LRP1B: variants seen among roughly 807,000 people sequenced by gnomAD.
The protein encoded by LRP1B is low-density lipoprotein receptor-related protein 1B.
In LRP1B, 217 loss-of-function variants were observed where a neutral mutation model predicts 556.6. The observed-to-expected ratio is 0.39, with a 90% CI of 0.35 to 0.44. The LOEUF (loss-of-function observed/expected upper bound fraction) is 0.44. Ranked by LOEUF, LRP1B falls within the 20% of genes least tolerant of loss-of-function variation. The probability of loss-of-function intolerance (pLI) is 1.00; values close to 1 mark genes in which losing one functional copy is unlikely to be tolerated. For missense variants in LRP1B, 5,053 were observed against 5,620.8 expected, an observed-to-expected ratio of 0.90 and a Z score of 3.23; for synonymous variants, 2,047 against 1,865.8, an observed-to-expected ratio of 1.10 and a Z score of -2.50.
intron 2 of LRP1B, among the ~76,000 whole-genome samples, chr2:141,700,175 A>C (rs906138254): frequency 1.3e-5 from 2 of 151,680 alleles, no homozygotes; most frequent in Admixed American, 6.6e-5. Context: ...GTGGTTATTA[A>C]ATTTCTATTG....
intron 2 of LRP1B, among the ~76,000 whole-genome samples, chr2:141,606,982 T>A (rs773682184): frequency 6.6e-6 from 1 of 152,020 alleles, no homozygotes; most frequent in Non-Finnish European, 1.5e-5. Flanking sequence ...ATCCCTTTCC[T>A]CCCTCCCTCC....
At chr2:141,199,289 C>A (rs1298496401) in intron 6 of LRP1B, among the ~76,000 whole-genome samples, 1 of 152,130 alleles carries the variant, frequency 6.6e-6, no homozygotes, top group Non-Finnish European at 1.5e-5. Context: ...TAGAGTATTT[C>A]TCTTATAACA....
chr2:141,113,787 G>A (rs1382711579), intron 7 of LRP1B, among the ~76,000 whole-genome samples: 6 of 152,032 alleles, frequency 3.9e-5, no homozygotes, highest in Non-Finnish European at 1.5e-5. Flanking sequence ...CTTGAAAGAA[G>A]TCATGATAAT....
chr2:142,113,912 A>G (rs1445631647), intron 1 of LRP1B, among the ~76,000 whole-genome samples: 1 of 152,138 alleles, frequency 6.6e-6, no homozygotes, highest in Non-Finnish European at 1.5e-5. Flanking sequence ...CACTGGAAAC[A>G]TCACTAACTG....
chr2:141,212,183 T>C, intron 6 of LRP1B, among the ~76,000 whole-genome samples: 1 of 148,098 alleles, frequency 6.8e-6, no homozygotes, highest in Admixed American at 6.8e-5. Context: ...TAAAATCAGT[T>C]ACTGCAGCAA....
chr2:141,416,049 C>T (rs1691088832), intron 3 of LRP1B, among the ~76,000 whole-genome samples: 2 of 152,152 alleles, frequency 1.3e-5, no homozygotes, highest in Admixed American at 6.5e-5. Flanking sequence ...AATGACCTAA[C>T]ATTAGACAAA....
intron 16 of LRP1B, among the ~76,000 whole-genome samples, chr2:140,993,462 G>A (rs1697149303): frequency 6.6e-6 from 1 of 151,930 alleles, no homozygotes; most frequent in African/African-American, 2.4e-5. Flanking sequence ...AGCCAAAGAG[G>A]GGAAAGTCAA....
rs549563314 is a variant in LRP1B, at chr2:142,016,539, G to A, written c.82+114109C>T. Among the ~76,000 whole-genome samples the A allele has an allele frequency of 7.2e-5, 11 of 152,234 alleles. No individual in the cohort carries two copies. The East Asian group carries it at 1.9e-3, about 27-fold the overall frequency. On this transcript the variant is annotated intron_variant, in intron 1 of 90. Coordinates refer to ENST00000389484, the MANE Select transcript of LRP1B (RefSeq NM_018557.3). ...TCATGACCTTTGCAGGGACATGGATGAAGCTGGAAACCATCATTCTCAATA... is the reference window on the plus strand; with the variant it reads ...TCATGACCTTTGCAGGGACATGGATAAAGCTGGAAACCATCATTCTCAATA...
chr2:140,282,105 C>T (rs149485439), intron 84 of LRP1B, among the ~76,000 whole-genome samples: 1 of 151,784 alleles, frequency 6.6e-6, no homozygotes, highest in Non-Finnish European at 1.5e-5. Context: ...TCCAAGATAT[C>T]CTTTGGCCAT....
intron 15 of LRP1B, among the ~76,000 whole-genome samples, chr2:140,995,056 T>C (rs1455976172): frequency 6.6e-6 from 1 of 152,008 alleles, no homozygotes; most frequent in African/African-American, 2.4e-5. Flanking sequence ...TGGAGGAATG[T>C]AATTCTCTGC....
chr2:141,410,419 G>A (rs1300077174), intron 3 of LRP1B, among the ~76,000 whole-genome samples: 1 of 151,924 alleles, frequency 6.6e-6, no homozygotes, highest in Non-Finnish European at 1.5e-5. Context: ...TTAAAAAGAT[G>A]ATATAGGTCC....
chr2:141,997,409 GTA>G (rs1222368240), intron 1 of LRP1B, among the ~76,000 whole-genome samples: 44 of 54,322 alleles, frequency 8.1e-4, no homozygotes, highest in African/African-American at 3.5e-3. Flanking sequence ...ATATATAAAT[GTA>G]TATATGTGTG....
intron 43 of LRP1B, among the ~76,000 whole-genome samples, chr2:140,560,819 A>G (rs1680902456): frequency 6.6e-6 from 1 of 152,216 alleles, no homozygotes; most frequent in South Asian, 2.1e-4. Context: ...CTCACACATT[A>G]TACTTACTTA....
intron 7 of LRP1B, among the ~76,000 whole-genome samples, chr2:141,100,022 T>C (rs1361643643): frequency 6.6e-6 from 1 of 152,186 alleles, no homozygotes; most frequent in African/African-American, 2.4e-5. Context: ...ACCTCTATTT[T>C]TCCTTTCTAT....
chr2:141,331,530 T>TTCTTTCTTTCTTTCTTTCTC (rs1305163901), intron 3 of LRP1B, among the ~76,000 whole-genome samples: 26 of 86,986 alleles, frequency 3.0e-4, no homozygotes, highest in African/African-American at 1.4e-3. Flanking sequence ...TTCTCTTTCT[T>TTCTTTCTTTCTTTCTTTCTC]TCTTTCTTTC....
intron 31 of LRP1B, among the ~76,000 whole-genome samples, chr2:140,834,480 T>C (rs1275490855): frequency 6.6e-6 from 1 of 152,314 alleles, no homozygotes; most frequent in South Asian, 2.1e-4. Context: ...CCTCGTGATC[T>C]GCACACCTTG....
At chr2:140,391,797 C>T (rs956815465) in intron 66 of LRP1B, among the ~76,000 whole-genome samples, 1 of 152,028 alleles carries the variant, frequency 6.6e-6, no homozygotes, top group Non-Finnish European at 1.5e-5. Flanking sequence ...TATTATTTTC[C>T]TAGAGATTTA....
chr2:141,059,522 TC>T (rs755975482), intron 8 of LRP1B, among the ~76,000 whole-genome samples: 46 of 151,782 alleles, frequency 3.0e-4, no homozygotes, highest in Non-Finnish European at 5.5e-4. Context: ...AAATTCAAAA[TC>T]CAACTTTTTG....
chr2:141,464,604 A>ATTTT (rs1415837703), intron 3 of LRP1B, among the ~76,000 whole-genome samples: 4 of 72,796 alleles, frequency 5.5e-5, no homozygotes, highest in Non-Finnish European at 1.2e-4. Context: ...ATATATATAT[A>ATTTT]TATTTTTTTA....
Sources: gnomAD v4.1 joint callset for allele counts (sites outside exome capture counted in the v4.1 genomes callset) on GRCh38, gnomAD v4.1.1 for gene constraint, MANE v1.5 for transcripts, NCBI Gene and HGNC (gene_info 2026-07-23, HGNC 2026-07-21) for gene names.